Variants in SNTB1 observed in about 807,000 individuals in gnomAD.
The protein encoded by SNTB1 is beta-1-syntrophin.
In SNTB1, 36 loss-of-function variants were observed where a neutral mutation model predicts 48.9. The observed-to-expected ratio is 0.74, with a 90% CI of 0.56 to 0.97. The LOEUF is 0.97. SNTB1 is among the 50% of genes least tolerant of loss of function. SNTB1 has a pLI of 0.00. For synonymous variants in SNTB1, 299 were observed against 294.6 expected, an observed-to-expected ratio of 1.01 and a Z score of -0.15; for missense variants, 786 against 703.4, an observed-to-expected ratio of 1.12 and a Z score of -1.33.
chr8:120,718,210 C>T (rs1030638990), intron 1 of SNTB1, among the ~76,000 whole-genome samples: 1 of 152,242 alleles, frequency 6.6e-6, no homozygotes, highest in African/African-American at 2.4e-5. Flanking sequence ...GGCCCAGGGC[C>T]TGTGAGCATC....
chr8:120,683,177 G>A (rs527622887), intron 2 of SNTB1, among the ~76,000 whole-genome samples: 7 of 151,966 alleles, frequency 4.6e-5, no homozygotes, highest in South Asian at 2.1e-4. Flanking sequence ...CACCGCACCC[G>A]GCCTGTTTTT....
At chr8:120,696,344 C>T (rs1327011319) in intron 1 of SNTB1, among the ~76,000 whole-genome samples, 4 of 152,142 alleles carry the variant, frequency 2.6e-5, no homozygotes, top group Admixed American at 6.5e-5. Flanking sequence ...AATAATCCTT[C>T]CTTTACGTAA....
chr8:120,611,118 A>G (rs1587029774), intron 3 of SNTB1, among the ~76,000 whole-genome samples: 1 of 152,208 alleles, frequency 6.6e-6, no homozygotes, highest in Admixed American at 6.5e-5. Context: ...CTGACCCTAG[A>G]GCAAGCACCT....
At chr8:120,741,218 CA>C (rs919461434) in intron 1 of SNTB1, among the ~76,000 whole-genome samples, 1 of 152,192 alleles carries the variant, frequency 6.6e-6, no homozygotes, top group African/African-American at 2.4e-5. Context: ...GTCTTCATGG[CA>C]ACGAGTCATT....
intron 3 of SNTB1, among the ~76,000 whole-genome samples, chr8:120,624,678 T>G (rs376342566): frequency 6.6e-6 from 1 of 152,206 alleles, no homozygotes; most frequent in East Asian, 1.9e-4. Flanking sequence ...GAGTCTTAAC[T>G]TGGTCCAGCA....
intron 2 of SNTB1, among the ~76,000 whole-genome samples, chr8:120,639,437 G>A (rs1563838576): frequency 6.6e-6 from 1 of 152,026 alleles, no homozygotes; most frequent in Non-Finnish European, 1.5e-5. Context: ...CATTGCTTTT[G>A]TGTTTTAGAC....
chr8:120,681,557 G>A (rs1435597573), intron 2 of SNTB1, among the ~76,000 whole-genome samples: 1 of 152,154 alleles, frequency 6.6e-6, no homozygotes, highest in Non-Finnish European at 1.5e-5. Flanking sequence ...TCTGTATGCT[G>A]AGTGTTGGGA....
At chr8:120,724,788 G>A (rs561958155) in intron 1 of SNTB1, among the ~76,000 whole-genome samples, 2 of 152,326 alleles carry the variant, frequency 1.3e-5, no homozygotes, top group South Asian at 4.1e-4. Flanking sequence ...GAGGGAGATG[G>A]AGCTGGGGAT....
intron 2 of SNTB1, among the ~76,000 whole-genome samples, chr8:120,667,722 A>G (rs1329087777): frequency 6.6e-6 from 1 of 152,058 alleles, no homozygotes; most frequent in Non-Finnish European, 1.5e-5. Flanking sequence ...GGATATTTTT[A>G]TATTCCTAAA....
chr8:120,811,386 G>A lies in SNTB1; in HGVS notation c.458C>T (p.Ala153Val), dbSNP rs1320668794. 1 of 1,613,966 alleles carries A rather than the reference G, an allele frequency of 6.2e-7. No individual in the cohort carries two copies. The highest frequency in any genetic ancestry group is 8.5e-7 in the Non-Finnish European group (1 of 1,179,934). ...FKGLAADQTQ[A>V]LYVGDAILSV... is the part of the protein sequence containing the mutation. ...CAGGATGGCGTCGCCCACGTACAGG[G>A]CTTGGGTCTGGTCCGCCGCCAGCCC... is the stretch of plus-strand genomic sequence containing the variant. The change falls in exon 1 of 7, where the codon GCC becomes GTC. Residue 153 changes from alanine (A) to valine (V), a missense_variant. Coordinates refer to ENST00000517992, the MANE Select transcript of SNTB1 (RefSeq NM_021021.4).
chr8:120,737,874 C>A (rs893198148), intron 1 of SNTB1, among the ~76,000 whole-genome samples: 5 of 152,102 alleles, frequency 3.3e-5, no homozygotes, highest in Non-Finnish European at 7.4e-5. Context: ...GTTGATATGT[C>A]CATAAATGCT....
At chr8:120,716,863 A>T (rs1356752279) in intron 1 of SNTB1, among the ~76,000 whole-genome samples, 1 of 152,172 alleles carries the variant, frequency 6.6e-6, no homozygotes, top group Non-Finnish European at 1.5e-5. Flanking sequence ...CATGAGGGCA[A>T]AGGCTAAGAC....
chr8:120,586,545 T>C (rs927387873), intron 3 of SNTB1, among the ~76,000 whole-genome samples: 1 of 152,174 alleles, frequency 6.6e-6, no homozygotes, highest in Non-Finnish European at 1.5e-5. Context: ...CTGACCCTCC[T>C]GCCTCCCTCT....
intron 2 of SNTB1, among the ~76,000 whole-genome samples, chr8:120,644,159 T>G (rs2129683120): frequency 1.2e-5 from 1 of 84,224 alleles, no homozygotes; most frequent in Non-Finnish European, 3.4e-5. Context: ...AGGGAAATCA[T>G]TCTTTTTTTT....
At chr8:120,739,995 G>C (rs1819018065) in intron 1 of SNTB1, among the ~76,000 whole-genome samples, 1 of 152,176 alleles carries the variant, frequency 6.6e-6, no homozygotes, top group Non-Finnish European at 1.5e-5. Context: ...AGAGTAACCT[G>C]TCTATACCCA....
chr8:120,774,989 G>A (rs978265696), intron 1 of SNTB1, among the ~76,000 whole-genome samples: 5 of 152,072 alleles, frequency 3.3e-5, no homozygotes, highest in South Asian at 2.1e-4. Context: ...TGTTAAGTTC[G>A]GGCTTGTTTG....
At chr8:120,654,663 T>G (rs1817470152) in intron 2 of SNTB1, among the ~76,000 whole-genome samples, 1 of 152,172 alleles carries the variant, frequency 6.6e-6, no homozygotes, top group African/African-American at 2.4e-5. Context: ...ATATCACAGC[T>G]TCTCAGAGAT....
chr8:120,723,595 A>T (rs73321287), intron 1 of SNTB1, among the ~76,000 whole-genome samples: 4,765 of 152,246 alleles, frequency 0.031, 233 homozygotes, highest in African/African-American at 0.11. Flanking sequence ...AGACACATAT[A>T]CTGAAGCAGT....
At chr8:120,725,392 C>T (rs1412911985) in intron 1 of SNTB1, among the ~76,000 whole-genome samples, 1 of 152,266 alleles carries the variant, frequency 6.6e-6, no homozygotes, top group South Asian at 2.1e-4. Context: ...AGATCACCTC[C>T]GAAATCAACT....
Sources: gnomAD v4.1 joint callset for allele counts (sites outside exome capture counted in the v4.1 genomes callset) on GRCh38, gnomAD v4.1.1 for gene constraint, MANE v1.5 for transcripts, NCBI Gene and HGNC (gene_info 2026-07-23, HGNC 2026-07-21) for gene names.